Variants in CNNM1 observed in about 807,000 individuals in gnomAD.
CNNM1 encodes metal transporter CNNM1.
CNNM1 carries 44 observed loss-of-function variants against 78.8 expected under a neutral mutation model. That is an observed-to-expected ratio of 0.56 (90% confidence interval 0.44 to 0.72). CNNM1 has a LOEUF of 0.72. CNNM1 is among the 30% of genes least tolerant of loss of function. The pLI is 0.00. For missense variants in CNNM1, 1,101 were observed against 1,292.2 expected, an observed-to-expected ratio of 0.85 and a Z score of 2.27; for synonymous variants, 584 against 581.5, an observed-to-expected ratio of 1.00 and a Z score of -0.06.
Position 99,330,603 on chromosome 10 carries a change from C to T in CNNM1, c.1216C>T (p.Pro406Ser), listed in dbSNP as rs1044071003. Reference sequence around the variant, plus strand: ...GCTGGAGACGTTGCGGGCCGCAGACCCCTACAGTGACCTGGTGAAGGAGGA... The same window carrying T: ...GCTGGAGACGTTGCGGGCCGCAGACTCCTACAGTGACCTGGTGAAGGAGGA... ...KLLETLRAAD[P>S]YSDLVKEELN... Residue 406 changes from proline (P) to serine (S), a missense_variant, in exon 1 of 11, where the codon CCC (proline) becomes TCC (serine). By Grantham distance (74) the Pro-to-Ser change is moderately conservative. Transcript: ENST00000356713. The T allele has an allele frequency of 5.0e-6, 8 of 1,613,450 alleles. No homozygotes were observed. Among genetic ancestry groups the T allele is most frequent in the Admixed American group, 3.3e-5 (2 of 59,888 alleles).
At chr10:99,379,640 A>ATTTTTTTTT (rs11305524) in intron 7 of CNNM1, among the ~76,000 whole-genome samples, 1 of 119,746 alleles carries the variant, frequency 8.4e-6, no homozygotes, top group Non-Finnish European at 1.8e-5. Context: ...GTGTGGCGGG[A>ATTTTTTTTT]TTTTTTTTTT....
chr10:99,361,972 A>G (rs1047567320), intron 3 of CNNM1, among the ~76,000 whole-genome samples: 14 of 152,240 alleles, frequency 9.2e-5, no homozygotes, highest in Non-Finnish European at 1.8e-4. Flanking sequence ...GACATTTCCA[A>G]ATGGAGACCT....
intron 1 of CNNM1, among the ~76,000 whole-genome samples, chr10:99,340,080 A>C (rs946822606): frequency 2.6e-5 from 4 of 152,266 alleles, no homozygotes; most frequent in Admixed American, 1.3e-4. Flanking sequence ...CAGTAAACCA[A>C]GTGTAGTCCA....
At chr10:99,338,610 T>G (rs1361656257) in intron 1 of CNNM1, among the ~76,000 whole-genome samples, 3 of 152,124 alleles carry the variant, frequency 2.0e-5, no homozygotes, top group African/African-American at 7.2e-5. Flanking sequence ...TTTACTGAAG[T>G]TTATGTTTCT....
chr10:99,367,710 G>A (rs558485111), intron 6 of CNNM1, among the ~76,000 whole-genome samples: 1 of 152,274 alleles, frequency 6.6e-6, no homozygotes, highest in African/African-American at 2.4e-5. Flanking sequence ...ATCATTTGAT[G>A]TAGCAAATAA....
chr10:99,332,763 G>A (rs1326563370), intron 1 of CNNM1, among the ~76,000 whole-genome samples: 2 of 152,122 alleles, frequency 1.3e-5, no homozygotes, highest in Admixed American at 1.3e-4. Context: ...ACTTTGTGTT[G>A]GTATGATGAG....
At chr10:99,386,411 T>C (rs2032305617) in intron 7 of CNNM1, among the ~76,000 whole-genome samples, 1 of 152,242 alleles carries the variant, frequency 6.6e-6, no homozygotes, top group South Asian at 2.1e-4. Flanking sequence ...TAACAAGTCC[T>C]TCAGATAATT....
At chr10:99,360,733 A>G in intron 2 of CNNM1, 102 bp from the exon 3 acceptor site, 1 of 1,430,120 alleles carries the variant, frequency 7.0e-7, no homozygotes, top group Non-Finnish European at 9.4e-7. Flanking sequence ...CCCATAGTTG[A>G]CACTGCAGAA....
At chr10:99,332,488 C>T (rs761993679) in intron 1 of CNNM1, among the ~76,000 whole-genome samples, 40 of 151,084 alleles carry the variant, frequency 2.6e-4, no homozygotes, top group Non-Finnish European at 4.0e-4. Flanking sequence ...TGAACTCTAG[C>T]CTGGGTAACA....
At chr10:99,359,525 T>C (rs1343124123) in intron 2 of CNNM1, among the ~76,000 whole-genome samples, 1 of 152,092 alleles carries the variant, frequency 6.6e-6, no homozygotes, top group Non-Finnish European at 1.5e-5. Context: ...CATTGTGACT[T>C]GAGCAAAAGG....
intron 6 of CNNM1, among the ~76,000 whole-genome samples, chr10:99,366,080 G>A (rs1433465190): frequency 6.6e-6 from 1 of 152,220 alleles, no homozygotes; most frequent in Admixed American, 6.5e-5. Flanking sequence ...CAGTGTAATT[G>A]TTACAGTGTA....
At position 99,329,900 on chromosome 10, in the gene CNNM1, A is replaced by G. The variant is rs2134006276; in HGVS notation, c.513A>G (p.Glu171=). Residue 171 remains glutamate, a synonymous_variant, in exon 1 of 11, where the codon GAA becomes GAG. Transcript: ENST00000356713. The part of the protein sequence containing the change: ...QVRVRELRKG[E]AERGGAGGGG... ...GAGTGCGGGAGCTGCGCAAGGGCGA[A>G]GCGGAGCGGGGCGGCGCGGGCGGTG... The G allele has an allele frequency of 7.2e-7, 1 of 1,388,924 alleles. No homozygotes were observed. Among genetic ancestry groups the G allele is most frequent in the Non-Finnish European group, 9.3e-7 (1 of 1,079,116 alleles). 86.0% of individuals were successfully genotyped at this position (1,388,924 alleles called of 1,614,324 possible).
rs1172543916 is a variant in CNNM1 at position 99,356,534 on chromosome 10, AAGAAAGACAGAC to A, written c.1574-974_1574-963del. Among the ~76,000 whole-genome samples the A allele has an allele frequency of 3.8e-3, 323 of 84,258 alleles. 3 individuals are homozygous for A. Among genetic ancestry groups the A allele is most frequent in the African/African-American group, 0.012 (302 of 24,492 alleles). 55.3% of individuals were successfully genotyped at this position (84,258 alleles called of 152,430 possible). On this transcript the variant is annotated intron_variant, in intron 1 of 10. Transcript: ENST00000356713. ...AGAAAGAGAAAGAGAGAAAGAAAGA[AAGAAAGACAGAC>A]AGACAGACAGACAGACAGAAAGAAA...
intron 6 of CNNM1, among the ~76,000 whole-genome samples, chr10:99,368,109 G>A (rs564833368): frequency 2.6e-5 from 4 of 152,338 alleles, no homozygotes; most frequent in Admixed American, 1.3e-4. Flanking sequence ...AACACTGTGA[G>A]CAGAGGGATC....
chr10:99,350,937 T>C (rs1028001898), intron 1 of CNNM1, among the ~76,000 whole-genome samples: 2 of 152,184 alleles, frequency 1.3e-5, no homozygotes, highest in African/African-American at 4.8e-5. Flanking sequence ...CAAATGCCAG[T>C]AGCATTCCCT....
chr10:99,390,532 A>G (rs773169091), intron 10 of CNNM1, 125 bp downstream of exon 10: 2 of 698,140 alleles, frequency 2.9e-6, no homozygotes, highest in Non-Finnish European at 5.0e-6. Flanking sequence ...ATGAGGTACA[A>G]TTGTGGAAAT....
intron 4 of CNNM1, among the ~76,000 whole-genome samples, chr10:99,363,189 A>T (rs921707574): frequency 6.6e-6 from 1 of 152,188 alleles, no homozygotes. Flanking sequence ...TTAAGCTCAC[A>T]TGAACTTAGA....
chr10:99,359,400 C>G (rs1224849386), intron 2 of CNNM1, among the ~76,000 whole-genome samples: 1 of 152,162 alleles, frequency 6.6e-6, no homozygotes, highest in Non-Finnish European at 1.5e-5. Flanking sequence ...CTATAAATAG[C>G]TGCTGGCATG....
intron 1 of CNNM1, among the ~76,000 whole-genome samples, chr10:99,336,268 G>A (rs183246314): frequency 6.6e-6 from 1 of 152,220 alleles, no homozygotes; most frequent in Non-Finnish European, 1.5e-5. Context: ...GTTTAGATAC[G>A]CAAATACTTA....
Sources: allele counts gnomAD v4.1 joint callset (sites outside exome capture counted in the v4.1 genomes callset), GRCh38; gene constraint gnomAD v4.1.1; transcripts MANE v1.5; gene names NCBI Gene and HGNC (gene_info 2026-07-23, HGNC 2026-07-21).